The following C4orf17 variants were observed in gnomAD, a reference collection of about 807,000 sequenced individuals.
C4orf17 encodes chromosome 4 open reading frame 17.
In C4orf17, 25 loss-of-function variants were observed where a neutral mutation model predicts 32.0. The ratio of observed to expected loss-of-function variants is 0.78; its 90% CI spans 0.57 to 1.09. C4orf17 has a LOEUF of 1.09. Ranked by LOEUF, C4orf17 falls within the 50% of genes least tolerant of loss-of-function variation. The pLI is 0.00. For synonymous variants in C4orf17, 149 were observed against 145.8 expected (o/e 1.02, Z -0.16); for missense variants, 420 against 420.0 (o/e 1.00, Z 0.00).
At chr4:99,513,336 A>G (rs926367192) in intron 2 of C4orf17, 128 bp downstream of exon 2, 73 of 1,184,020 alleles carry the variant, frequency 6.2e-5, no homozygotes, top group African/African-American at 9.1e-5. Context: ...GGAATTGACT[A>G]TTGGGACTAG....
chr4:99,522,549 TGGAACATTGTG>T lies in C4orf17; in HGVS notation c.180_190del (p.Thr61SerfsTer5), dbSNP rs756339817. On this transcript the variant is annotated frameshift_variant, in exon 3 of 9. Coordinates refer to ENST00000326581, the MANE Select transcript of C4orf17 (RefSeq NM_032149.3). LOFTEE classifies it high-confidence loss of function. ...CTGTGAATGATGATGAGAATGCATT[TGGAACATTGTG>T]GGGAGTTGGCCAGTCTAACTACTTA... 1 of 1,614,064 alleles carries T rather than the reference TGGAACATTGTG, an allele frequency of 6.2e-7. No individual in the cohort carries two copies. Among genetic ancestry groups the T allele is most frequent in the Non-Finnish European group, 8.5e-7 (1 of 1,179,928 alleles).
chr4:99,529,009 A>G (rs1723435650), intron 4 of C4orf17, among the ~76,000 whole-genome samples: 1 of 152,224 alleles, frequency 6.6e-6, no homozygotes, highest in African/African-American at 2.4e-5. Context: ...TTTCCATAAC[A>G]AAGTCTGTAT....
intron 2 of C4orf17, among the ~76,000 whole-genome samples, chr4:99,516,672 A>C (rs969672468): frequency 1.2e-4 from 19 of 152,296 alleles, no homozygotes; most frequent in African/African-American, 4.3e-4. Flanking sequence ...TTTGTAGAAG[A>C]AGCTCCATAT....
intron 2 of C4orf17, among the ~76,000 whole-genome samples, chr4:99,515,708 T>C (rs1255692215): frequency 1.3e-5 from 2 of 151,276 alleles, no homozygotes; most frequent in African/African-American, 4.9e-5. Flanking sequence ...AAAATAAAAG[T>C]TAAAAAAAGA....
chr4:99,538,001 A>T (rs975416406), intron 6 of C4orf17, among the ~76,000 whole-genome samples: 4 of 152,188 alleles, frequency 2.6e-5, no homozygotes, highest in African/African-American at 4.8e-5. Context: ...ACTTGTGTCC[A>T]AGGGCGGTCT....
intron 5 of C4orf17, among the ~76,000 whole-genome samples, chr4:99,535,735 CAT>C (rs1397667631): frequency 2.0e-5 from 3 of 152,170 alleles, no homozygotes; most frequent in Non-Finnish European, 2.9e-5. Flanking sequence ...CTACTTCTCT[CAT>C]TCAGCCATCT....
intron 1 of C4orf17, 54 bp from the exon 2 acceptor site, chr4:99,512,935 A>G (rs1466574279): frequency 1.3e-6 from 1 of 743,954 alleles, no homozygotes; most frequent in Non-Finnish European, 2.1e-6. Context: ...TGTTTGATAT[A>G]TAAGAAAGTG....
chr4:99,538,631 A>G lies in C4orf17; in HGVS notation c.629-532A>G, dbSNP rs1357557136. On this transcript the variant is annotated intron_variant, in intron 6 of 8. Transcript: ENST00000326581. ...CCTTTTAAAGAATGTAACATTTAATAAACTATACAAGTAATAAATCCTTAT... is the reference window on the plus strand; with the variant it reads ...CCTTTTAAAGAATGTAACATTTAATGAACTATACAAGTAATAAATCCTTAT... Among the ~76,000 whole-genome samples the G allele has an allele frequency of 3.9e-5, 6 of 152,242 alleles. No homozygotes were observed. The South Asian group carries it at 1.0e-3, about 26-fold the overall frequency.
intron 4 of C4orf17, 94 bp from the exon 5 acceptor site, chr4:99,529,721 A>T: frequency 9.9e-7 from 1 of 1,012,372 alleles, no homozygotes; most frequent in Non-Finnish European, 1.4e-6. Context: ...CTCTCTTATT[A>T]GGCACAATAT....
intron 4 of C4orf17, among the ~76,000 whole-genome samples, chr4:99,527,065 C>G (rs7665143): frequency 0.27 from 40,561 of 151,816 alleles, 5,610 homozygotes; most frequent in South Asian, 0.35. Context: ...CATTACTTTG[C>G]CTGCATCCCC....
intron 2 of C4orf17, among the ~76,000 whole-genome samples, chr4:99,514,229 T>C (rs1484718224): frequency 6.6e-6 from 1 of 151,832 alleles, no homozygotes; most frequent in African/African-American, 2.4e-5. Context: ...CAAAAGCAAA[T>C]GCAACAAAAA....
At chr4:99,534,310 T>C (rs1216670079) in intron 5 of C4orf17, among the ~76,000 whole-genome samples, 1 of 152,192 alleles carries the variant, frequency 6.6e-6, no homozygotes, top group African/African-American at 2.4e-5. Context: ...GCAAAAGACA[T>C]GATCTTTTTT....
chr4:99,522,539 A>C lies in C4orf17; in HGVS notation c.167A>C (p.Glu56Ala), dbSNP rs768383264. 15 of 1,613,994 alleles carry C rather than the reference A, an allele frequency of 9.3e-6. No individual in the cohort carries two copies. The highest frequency in any genetic ancestry group is 1.7e-5 in the Admixed American group (1 of 60,032). Residue 56 changes from glutamate to alanine, a missense_variant, in exon 3 of 9, where the codon GAG becomes GCG. Coordinates refer to ENST00000326581, the MANE Select transcript of C4orf17 (RefSeq NM_032149.3). ...NIPICTVNDD[E>A]NAFGTLWGVG... is the part of the protein sequence containing the mutation. ...CCAATCTGTACTGTGAATGATGATG[A>C]GAATGCATTTGGAACATTGTGGGGA...
intron 4 of C4orf17, among the ~76,000 whole-genome samples, chr4:99,525,503 T>C (rs959654044): frequency 1.3e-5 from 2 of 152,146 alleles, no homozygotes; most frequent in African/African-American, 2.4e-5. Context: ...ACTTCTTACA[T>C]TGGGTTGTTG....
At chr4:99,533,971 A>T (rs1404256663) in intron 5 of C4orf17, among the ~76,000 whole-genome samples, 1 of 151,994 alleles carries the variant, frequency 6.6e-6, no homozygotes, top group East Asian at 1.9e-4. Flanking sequence ...ACAAAACACT[A>T]TTTTTTCCCT....
At chr4:99,526,238 T>A (rs1723385991) in intron 4 of C4orf17, among the ~76,000 whole-genome samples, 1 of 152,238 alleles carries the variant, frequency 6.6e-6, no homozygotes, top group Admixed American at 6.5e-5. Flanking sequence ...TGTTTCAGTA[T>A]CTAGCTGAGA....
In C4orf17 at chr4:99,518,544, TAGAGAG is replaced by T. The variant is rs70958313; in HGVS notation, c.128-3921_128-3916del. Among the ~76,000 whole-genome samples the T allele has an allele frequency of 9.6e-3, 352 of 36,728 alleles. 4 individuals carry two copies. The highest frequency in any genetic ancestry group is 0.019 in the South Asian group (12 of 648). 24.1% of individuals were successfully genotyped at this position (36,728 alleles called of 152,430 possible). On this transcript the variant is annotated intron_variant, in intron 2 of 8. Transcript: ENST00000326581. ...ATATATATATATATATATATATATATAGAGAGAGAGAGAGAGAGAGAGAGAGAGAGA... is the reference window on the plus strand; with the variant it reads ...ATATATATATATATATATATATATATAGAGAGAGAGAGAGAGAGAGAGAGA...
In C4orf17 at chr4:99,513,190, A is replaced by C; in HGVS notation, c.109A>C (p.Arg37=). 6.2e-7 allele frequency: 1 copy of C among 1,613,914 alleles called. No individual in the cohort carries two copies. Among genetic ancestry groups the C allele is most frequent in the East Asian group, 2.2e-5 (1 of 44,882 alleles). The change falls in exon 2 of 9, where the codon AGA becomes CGA. Residue 37 remains arginine, a synonymous_variant. Transcript: ENST00000326581. ...FLVRHTPHPR[R]VCHIKGLNNI... ...AGTCAGGCACACCCCTCATCCCAGA[A>C]GAGTCTGCCACATCAAAGGTAAGGT... is the stretch of plus-strand genomic sequence containing the variant.
chr4:99,515,357 T>C (rs1347832058), intron 2 of C4orf17, among the ~76,000 whole-genome samples: 2 of 152,154 alleles, frequency 1.3e-5, no homozygotes, highest in Non-Finnish European at 1.5e-5. Flanking sequence ...CATGGAATAC[T>C]CTGCAGCCAT....
Sources: gnomAD v4.1 joint callset for allele counts (sites outside exome capture counted in the v4.1 genomes callset) on GRCh38, gnomAD v4.1.1 for gene constraint, MANE v1.5 for transcripts, NCBI Gene and HGNC (gene_info 2026-07-23, HGNC 2026-07-21) for gene names.